MSRB3: variants seen among roughly 807,000 people sequenced by gnomAD.
The protein encoded by MSRB3 is methionine-R-sulfoxide reductase B3.
Under a neutral mutation model 21.0 loss-of-function variants are expected in MSRB3, and 13 were observed. The ratio of observed to expected loss-of-function variants is 0.62; its 90% CI spans 0.40 to 0.98. MSRB3 has a LOEUF of 0.98. MSRB3 is among the 50% of genes least tolerant of loss of function. The probability of loss-of-function intolerance (pLI) is 0.00; values close to 1 mark genes in which losing one functional copy is unlikely to be tolerated. For synonymous variants in MSRB3, 87 were observed against 88.6 expected, an observed-to-expected ratio of 0.98 and a Z score of 0.10; for missense variants, 199 against 230.3, an observed-to-expected ratio of 0.86 and a Z score of 0.88.
Position 65,308,663 on chromosome 12 carries a change from C to CTT in MSRB3, c.76+9_76+10dup. On this transcript the variant is annotated intron_variant, in intron 2 of 6. Transcript: ENST00000308259. ...CCTGTGGGCTTCCCTCAGGTTGCTG[C>CTT]TTGTTGTACTGTACATAGTGAAGGC... The CTT allele has an allele frequency of 6.2e-7, 1 of 1,613,902 alleles. No individual in the cohort carries two copies. Among genetic ancestry groups the CTT allele is most frequent in the Non-Finnish European group, 8.5e-7 (1 of 1,179,856 alleles).
intron 1 of MSRB3, among the ~76,000 whole-genome samples, chr12:65,302,130 C>A (rs1873370988): frequency 6.6e-6 from 1 of 151,748 alleles, no homozygotes; most frequent in Non-Finnish European, 1.5e-5. Context: ...AGTTTCTCAG[C>A]TGTAATTTTT....
intron 1 of MSRB3, among the ~76,000 whole-genome samples, chr12:65,304,891 G>A (rs1873556226): frequency 6.6e-6 from 1 of 152,008 alleles, no homozygotes; most frequent in African/African-American, 2.4e-5. Context: ...TTGAAGTTTT[G>A]GTAGATTAAC....
intron 5 of MSRB3, among the ~76,000 whole-genome samples, chr12:65,441,495 G>A (rs1208443546): frequency 6.6e-6 from 1 of 151,926 alleles, no homozygotes; most frequent in African/African-American, 2.4e-5. Context: ...AGCTACTATT[G>A]TCTTTAAATT....
chr12:65,308,672 C>CTG lies in MSRB3; in HGVS notation c.76+19_76+20dup, dbSNP rs756061172. ...TTCCCTCAGGTTGCTGCTTGTTGTACTGTACATAGTGAAGGCACAGGGCCA... is the reference window on the plus strand; with the variant it reads ...TTCCCTCAGGTTGCTGCTTGTTGTACTGTGTACATAGTGAAGGCACAGGGCCA... On this transcript the variant is annotated intron_variant, in intron 2 of 6. Transcript: ENST00000308259. 1.2e-5 allele frequency: 20 copies of CTG among 1,613,716 alleles called. No individual in the cohort carries two copies. The highest frequency in any genetic ancestry group is 2.2e-5 in the South Asian group (2 of 91,088).
Position 65,421,719 on chromosome 12 carries a change from T to A in MSRB3, c.293-32009T>A, listed in dbSNP as rs564642426. 8.5e-5 allele frequency among the ~76,000 whole-genome samples: 13 copies of A among 152,246 alleles called. 1 individual carries two copies. In the South Asian group the frequency reaches 2.7e-3, roughly 32 times the overall value. On this transcript the variant is annotated intron_variant, in intron 5 of 6. Transcript: ENST00000308259. ...ACCTCCAGACCTGCCTTATAAGAGA[T>A]CCTGAAAGGAGCACTAAATATGGAA... is the stretch of plus-strand genomic sequence containing the variant.
intron 5 of MSRB3, among the ~76,000 whole-genome samples, chr12:65,400,224 T>G (rs892520112): frequency 9.2e-5 from 14 of 151,806 alleles, no homozygotes; most frequent in Non-Finnish European, 2.9e-5. Flanking sequence ...AGTGAATCCA[T>G]CTGGTCCTGG....
chr12:65,443,167 C>A (rs1882461918), intron 5 of MSRB3, among the ~76,000 whole-genome samples: 1 of 152,016 alleles, frequency 6.6e-6, no homozygotes, highest in Non-Finnish European at 1.5e-5. Context: ...TTGTGCAGGG[C>A]TCAAAGGAAT....
chr12:65,291,485 T>A (rs1872662505), intron 1 of MSRB3, among the ~76,000 whole-genome samples: 1 of 140,198 alleles, frequency 7.1e-6, no homozygotes, highest in Non-Finnish European at 1.6e-5. Context: ...TCTCTCATCT[T>A]AAAAAAAAAA....
At chr12:65,279,091 C>A (rs951810529) in intron 1 of MSRB3, 68 of 1,392,454 alleles carry the variant, frequency 4.9e-5, no homozygotes, top group Middle Eastern at 5.1e-4. Flanking sequence ...GGTTTCCCCC[C>A]ACCCGCCGAA....
chr12:65,402,342 A>G (rs1042234798), intron 5 of MSRB3, among the ~76,000 whole-genome samples: 4 of 152,004 alleles, frequency 2.6e-5, no homozygotes, highest in Admixed American at 2.0e-4. Context: ...TCTTGTCTTC[A>G]TGCTTTATTT....
At chr12:65,292,435 TGTCATC>T (rs1872716874) in intron 1 of MSRB3, among the ~76,000 whole-genome samples, 1 of 151,690 alleles carries the variant, frequency 6.6e-6, no homozygotes, top group African/African-American at 2.4e-5. Context: ...GCGTTGTCAT[TGTCATC>T]GTCATCATCA....
At chr12:65,345,628 C>A (rs895848642) in intron 4 of MSRB3, among the ~76,000 whole-genome samples, 1 of 152,038 alleles carries the variant, frequency 6.6e-6, no homozygotes, top group South Asian at 2.1e-4. Context: ...GTATGCACAA[C>A]GTGCAGGTTT....
chr12:65,317,421 C>T (rs1208770433), intron 2 of MSRB3, among the ~76,000 whole-genome samples: 1 of 152,082 alleles, frequency 6.6e-6, no homozygotes, highest in Admixed American at 6.5e-5. Context: ...ATCAAATGAC[C>T]ACATATTTAA....
intron 5 of MSRB3, among the ~76,000 whole-genome samples, chr12:65,402,744 G>T (rs778708872): frequency 6.6e-6 from 1 of 152,088 alleles, no homozygotes; most frequent in African/African-American, 2.4e-5. Flanking sequence ...CCCCATCTTC[G>T]TGGATTTATC....
At chr12:65,394,837 A>T (rs1320026374) in intron 5 of MSRB3, among the ~76,000 whole-genome samples, 13 of 152,256 alleles carry the variant, frequency 8.5e-5, no homozygotes, top group Non-Finnish European at 1.9e-4. Flanking sequence ...ATCAGTAGAC[A>T]CAGAAAAAGT....
chr12:65,344,843 A>G (rs1045475495), intron 4 of MSRB3, among the ~76,000 whole-genome samples: 2 of 152,062 alleles, frequency 1.3e-5, no homozygotes, highest in Admixed American at 1.3e-4. Context: ...CTACTTCAGT[A>G]ATTTGCAAAC....
chr12:65,369,774 G>C (rs1878217482), intron 5 of MSRB3, among the ~76,000 whole-genome samples: 1 of 152,032 alleles, frequency 6.6e-6, no homozygotes, highest in Admixed American at 6.6e-5. Flanking sequence ...ACTGTTAACA[G>C]ATAAATAAAC....
At position 65,466,465 on chromosome 12, in the gene MSRB3, G is replaced by A. The variant is rs1034870115; in HGVS notation, c.*3143G>A. 2 of 152,128 alleles carry A rather than the reference G, an allele frequency of 1.3e-5. No homozygotes were observed. 9.4% of individuals were successfully genotyped at this position (152,128 alleles called of 1,614,324 possible). On this transcript the variant is annotated 3_prime_UTR_variant, in exon 7 of 7. Transcript: ENST00000308259. ...TGCCATTTAACATAGGAAGTGCATG[G>A]GACTTTCCCTCTCTGCACTCCAGCT... is the stretch of plus-strand genomic sequence containing the variant.
intron 5 of MSRB3, among the ~76,000 whole-genome samples, chr12:65,374,790 T>C (rs1458862861): frequency 1.3e-5 from 2 of 152,206 alleles, no homozygotes; most frequent in African/African-American, 4.8e-5. Flanking sequence ...TGTTTATTTC[T>C]TTTACAGGAT....
Sources: gnomAD v4.1 joint callset for allele counts (sites outside exome capture counted in the v4.1 genomes callset) on GRCh38, gnomAD v4.1.1 for gene constraint, MANE v1.5 for transcripts, NCBI Gene and HGNC (gene_info 2026-07-23, HGNC 2026-07-21) for gene names.